Variants in MYOC observed in about 807,000 individuals in gnomAD.
MYOC encodes the protein juvenile-onset open-angle glaucoma 1.
In MYOC, 29 loss-of-function variants were observed where a neutral mutation model predicts 28.2. The ratio of observed to expected loss-of-function variants is 1.03; its 90% CI spans 0.77 to 1.40. The LOEUF (loss-of-function observed/expected upper bound fraction) is 1.40, where lower values mean the gene tolerates loss of function less well. MYOC is among the 40% of genes most tolerant of loss of function. The pLI, the probability that MYOC is intolerant of heterozygous loss-of-function variation, is 0.00. For synonymous variants in MYOC, 240 were observed against 245.6 expected (o/e 0.98, Z 0.21); for missense variants, 569 against 620.6 (o/e 0.92, Z 0.88).
At chr1:171,636,842 C>A (rs777397646) in intron 2 of MYOC, 133 bp from the exon 3 acceptor site, 17 of 950,366 alleles carry the variant, frequency 1.8e-5, no homozygotes, top group Non-Finnish European at 2.6e-5. Context: ...GGGTTTAAAG[C>A]TAGGCTCTAC....
At chr1:171,641,556 G>A (rs1653077495) in intron 1 of MYOC, among the ~76,000 whole-genome samples, 1 of 152,154 alleles carries the variant, frequency 6.6e-6, no homozygotes, top group African/African-American at 2.4e-5. Flanking sequence ...GGATTGGTTG[G>A]TTTGCATATG....
rs41263718 is a variant in MYOC, at chr1:171,639,054, C to T, written c.605-332G>A. On this transcript the variant is annotated intron_variant, in intron 1 of 2. Coordinates refer to ENST00000037502, the MANE Select transcript of MYOC (RefSeq NM_000261.2). ...GAGATTGCTGTGAGCCGAGACTACA[C>T]TATTGTACTCCAGCTTGGGCAACAA... is the stretch of plus-strand genomic sequence containing the variant. Among the ~76,000 whole-genome samples, 19,768 of 152,246 alleles carry T rather than the reference C, an allele frequency of 0.13. 1,364 individuals are homozygous for T. The highest frequency in any genetic ancestry group is 0.28 in the Middle Eastern group (83 of 294).
chr1:171,651,434 G>T (rs1028559919), intron 1 of MYOC, among the ~76,000 whole-genome samples: 1 of 151,128 alleles, frequency 6.6e-6, no homozygotes, highest in Non-Finnish European at 1.5e-5. Context: ...TCAAGAATTT[G>T]TCTGATGACT....
chr1:171,642,378 C>T (rs1241669205), intron 1 of MYOC, among the ~76,000 whole-genome samples: 1 of 152,058 alleles, frequency 6.6e-6, no homozygotes, highest in African/African-American at 2.4e-5. Flanking sequence ...TTTGGGAGGC[C>T]GAGGTGGCAG....
At position 171,652,246 on chromosome 1, in the gene MYOC, G is replaced by A. The variant is rs145354114; in HGVS notation, c.366C>T (p.Gly122=). Residue 122 remains glycine (G), a synonymous_variant, in exon 1 of 3, where the codon GGC becomes GGT. Transcript: ENST00000037502. ...ETQEGLQREL[G]TLRRERDQLE... ...GCTGGTCCCGCTCCCGCCTCAGGGT[G>A]CCCAGCTCCCTCTGCAGCCCCTCCT... 5,709 of 1,614,174 alleles carry A rather than the reference G, an allele frequency of 3.5e-3. 22 individuals are homozygous for A. Among genetic ancestry groups the A allele is most frequent in the Non-Finnish European group, 4.0e-3 (4,769 of 1,180,006 alleles).
In MYOC at chr1:171,638,529, T is replaced by C. The variant is rs1454875463; in HGVS notation, c.730+68A>G. 3 of 1,595,382 alleles carry C rather than the reference T, an allele frequency of 1.9e-6. No homozygotes were observed. The African/African-American group carries it at 4.0e-5, about 21-fold the overall frequency. On this transcript the variant is annotated intron_variant, in intron 2 of 2. Transcript: ENST00000037502. ...GTGGGCATTTACCCTATACTGATTC[T>C]CTGAACACAGCACTAGACATGAATA...
At position 171,642,066 on chromosome 1, in the gene MYOC, A is replaced by G. The variant is rs80011110; in HGVS notation, c.605-3344T>C. The stretch of plus-strand genomic sequence containing the variant: ...GTACTGGAAAAAATTTCTCCCTGGA[A>G]GGAGGTGAAGAAAACATTCAGCTAG... On this transcript the variant is annotated intron_variant, in intron 1 of 2. Coordinates refer to ENST00000037502, the MANE Select transcript of MYOC (RefSeq NM_000261.2). 1.6e-4 allele frequency among the ~76,000 whole-genome samples: 25 copies of G among 152,348 alleles called. No individual in the cohort carries two copies. In the East Asian group the frequency reaches 4.4e-3, roughly 27 times the overall value.
chr1:171,652,322 C>A lies in MYOC; in HGVS notation c.290G>T (p.Ser97Ile), dbSNP rs769096964. The change falls in exon 1 of 3, where the codon AGC becomes ATC. Residue 97 changes from serine (S) to isoleucine (I), a missense_variant. By Grantham distance (142) the Ser-to-Ile change is moderately radical. Coordinates refer to ENST00000037502, the MANE Select transcript of MYOC (RefSeq NM_000261.2). ...ATKARLSSLE[S>I]LLHQLTLDQA... is the part of the protein sequence containing the mutation. ...GTCCAAGGTCAATTGGTGGAGGAGG[C>A]TCTCCAGGGAGCTGAGTCGAGCTTT... The A allele has an allele frequency of 1.2e-6, 2 of 1,610,034 alleles. No homozygotes were observed. The highest frequency in any genetic ancestry group is 1.7e-6 in the Non-Finnish European group (2 of 1,177,462).
chr1:171,644,755 T>A (rs1162475455), intron 1 of MYOC, among the ~76,000 whole-genome samples: 1 of 152,228 alleles, frequency 6.6e-6, no homozygotes, highest in Non-Finnish European at 1.5e-5. Flanking sequence ...CTATCGCTAC[T>A]ACTTATTAAG....
intron 1 of MYOC, among the ~76,000 whole-genome samples, chr1:171,644,246 C>G (rs764241248): frequency 6.6e-6 from 1 of 151,142 alleles, no homozygotes; most frequent in Admixed American, 6.6e-5. Flanking sequence ...TGTGACAGAT[C>G]GTTAACATTT....
Position 171,636,305 on chromosome 1 carries a change from T to C in MYOC, c.1135A>G (p.Ile379Val). The C allele has an allele frequency of 3.7e-6, 6 of 1,614,068 alleles. No individual in the cohort carries two copies. Among genetic ancestry groups the C allele is most frequent in the Non-Finnish European group, 5.1e-6 (6 of 1,180,012 alleles). ...FPYSWGGYTDIDLAVDEAGLW... is the reference protein window; with the variant it reads ...FPYSWGGYTDVDLAVDEAGLW... ...CCTGCTTCATCCACAGCCAAGTCAA[T>C]GTCCGTGTAGCCACCCCAAGAATAC... is the stretch of plus-strand genomic sequence containing the variant. Residue 379 changes from isoleucine (I) to valine (V), a missense_variant, in exon 3 of 3, where the codon ATT (isoleucine) becomes GTT (valine). Transcript: ENST00000037502.
chr1:171,652,040 G>A lies in MYOC; in HGVS notation c.572C>T (p.Thr191Ile), dbSNP rs1468022137. The stretch of plus-strand genomic sequence containing the variant: ...GGAGCCTGGTGGCACAGCCCGAGCA[G>A]TGTCTCGGGTCTGGGGACACTGGCC... ...RRGQCPQTRD[T>I]ARAVPPGSRE... The change falls in exon 1 of 3, where the codon ACT becomes ATT. Residue 191 changes from threonine (T) to isoleucine (I), a missense_variant. Thr to Ile is a moderately conservative substitution (Grantham distance 89, BLOSUM62 -1). Coordinates refer to ENST00000037502, the MANE Select transcript of MYOC (RefSeq NM_000261.2). The A allele has an allele frequency of 6.2e-7, 1 of 1,614,220 alleles. No homozygotes were observed. Among genetic ancestry groups the A allele is most frequent in the South Asian group, 1.1e-5 (1 of 91,084 alleles).
chr1:171,643,368 G>A (rs1416298059), intron 1 of MYOC: 1 of 152,250 alleles, frequency 6.6e-6, no homozygotes, highest in Admixed American at 6.5e-5. Context: ...CTGTACACAG[G>A]TGGCAGAACC....
chr1:171,636,071 T>C lies in MYOC; in HGVS notation c.1369A>G (p.Thr457Ala). 1 of 1,614,182 alleles carries C rather than the reference T, an allele frequency of 6.2e-7. No individual in the cohort carries two copies. Among genetic ancestry groups the C allele is most frequent in the Non-Finnish European group, 8.5e-7 (1 of 1,180,030 alleles). The change falls in exon 3 of 3, where the codon ACA (threonine) becomes GCA (alanine). Residue 457 changes from threonine to alanine, a missense_variant. Physicochemically the swap from Thr to Ala is moderately conservative, Grantham distance 58. Transcript: ENST00000037502. ...ATVNFAYDTG[T>A]GISKTLTIPF... ...ATGGTCAGGGTCTTGCTGATACCTG[T>C]GCCTGTGTCATAAGCAAAGTTGACG...
chr1:171,646,159 G>A (rs1010553742), intron 1 of MYOC, among the ~76,000 whole-genome samples: 2 of 152,188 alleles, frequency 1.3e-5, no homozygotes, highest in Non-Finnish European at 2.9e-5. Context: ...CCAAAGGCAG[G>A]GAAACAATCT....
chr1:171,650,082 T>C (rs1653316434), intron 1 of MYOC, among the ~76,000 whole-genome samples: 1 of 151,806 alleles, frequency 6.6e-6, no homozygotes, highest in South Asian at 2.1e-4. Flanking sequence ...AAAAGTGGAG[T>C]AGCTGGAAAG....
At chr1:171,644,448 A>T (rs1315732281) in intron 1 of MYOC, among the ~76,000 whole-genome samples, 1 of 152,120 alleles carries the variant, frequency 6.6e-6, no homozygotes, top group African/African-American at 2.4e-5. Context: ...GGAGAAAATT[A>T]AGAAAGAAAT....
chr1:171,652,311 G>C lies in MYOC; in HGVS notation c.301C>G (p.Gln101Glu). The change falls in exon 1 of 3, where the codon CAA becomes GAA. Residue 101 changes from glutamine to glutamate, a missense_variant. By Grantham distance (29) the Gln-to-Glu change is conservative. Transcript: ENST00000037502. ...CTGGCAGCCTGGTCCAAGGTCAATT[G>C]GTGGAGGAGGCTCTCCAGGGAGCTG... ...RLSSLESLLH[Q>E]LTLDQAARPQ... The C allele has an allele frequency of 6.2e-7, 1 of 1,610,670 alleles. No individual in the cohort carries two copies. The highest frequency in any genetic ancestry group is 1.1e-5 in the South Asian group (1 of 90,880).
intron 1 of MYOC, 76 bp downstream of exon 1, chr1:171,651,932 C>G (rs899345744): frequency 1.2e-6 from 2 of 1,606,178 alleles, no homozygotes; most frequent in Admixed American, 3.3e-5. Context: ...GGCAGGGAGG[C>G]CTGGAGCGCC....
Sources: gnomAD v4.1 joint callset for allele counts (sites outside exome capture counted in the v4.1 genomes callset) on GRCh38, gnomAD v4.1.1 for gene constraint, MANE v1.5 for transcripts, NCBI Gene and HGNC (gene_info 2026-07-23, HGNC 2026-07-21) for gene names.